HPRT1: variants seen among roughly 807,000 people sequenced by gnomAD.
HPRT1 encodes hypoxanthine-guanine phosphoribosyltransferase.
HPRT1 carries 4 observed loss-of-function variants against 19.0 expected under a neutral mutation model. That is an observed-to-expected ratio of 0.21 (90% CI 0.10 to 0.48). The LOEUF (loss-of-function observed/expected upper bound fraction) is 0.48, where lower values mean the gene tolerates loss of function less well. HPRT1 is among the 20% of genes least tolerant of loss of function. HPRT1 has a pLI of 0.98. For missense variants in HPRT1, 65 were observed against 164.0 expected, an observed-to-expected ratio of 0.40 and a Z score of 3.30; for synonymous variants, 53 against 54.9, an observed-to-expected ratio of 0.97 and a Z score of 0.15.
chrX:134,477,015 GTTTATTTTATTTTATTTTAT>G (rs200027842), intron 3 of HPRT1, among the ~76,000 whole-genome samples: 18 of 97,700 alleles, frequency 1.8e-4, no homozygotes, highest in African/African-American at 5.0e-4. Context: ...TTATTGATAT[GTTTATTTTATTTTATTTTAT>G]TTTATTTTAT....
intron 1 of HPRT1, among the ~76,000 whole-genome samples, chrX:134,468,637 C>T (rs1049847666): frequency 1.9e-4 from 21 of 109,362 alleles, no homozygotes; most frequent in African/African-American, 7.0e-4. Context: ...TGTCTGTAAT[C>T]CCAGCTACTC....
At position 134,493,585 on chromosome X, in the gene HPRT1, C is replaced by T. The variant is rs148780933; in HGVS notation, c.480C>T (p.Val160=). The T allele has an allele frequency of 3.2e-4, 371 of 1,173,026 alleles. No individual in the cohort carries two copies. In the African/African-American group the frequency reaches 5.8e-3, roughly 18 times the overall value. ...AGTATAATCCAAAGATGGTCAAGGT[C>T]GCAAGGTATGTATGACATTTTGACA... is the stretch of plus-strand genomic sequence containing the variant. The part of the protein sequence containing the change: ...VRQYNPKMVK[V]ASLLVKRTPR... The change falls in exon 6 of 9, where the codon GTC becomes GTT. Residue 160 remains valine (V), a synonymous_variant. Transcript: ENST00000298556.
chrX:134,463,134 G>A (rs1043321265), intron 1 of HPRT1, among the ~76,000 whole-genome samples: 25 of 111,647 alleles, frequency 2.2e-4, no homozygotes, highest in African/African-American at 7.5e-4. Context: ...TGACCTTGGA[G>A]GCACAGATAG....
intron 3 of HPRT1, among the ~76,000 whole-genome samples, chrX:134,480,045 A>G (rs1363988636): frequency 8.9e-6 from 1 of 111,746 alleles, no homozygotes; most frequent in Non-Finnish European, 1.9e-5. Flanking sequence ...GCAGAGGGAA[A>G]ATTAGTCTGC....
At chrX:134,469,734 AG>A (rs767295022) in intron 1 of HPRT1, among the ~76,000 whole-genome samples, 162 of 112,011 alleles carry the variant, frequency 1.4e-3, no homozygotes, top group Non-Finnish European at 1.5e-3. Context: ...GTAAGCTTCA[AG>A]GAAGAAGTCA....
intron 3 of HPRT1, among the ~76,000 whole-genome samples, chrX:134,480,805 TTGTGTGTG>T (rs111997872): frequency 1.4e-4 from 13 of 91,629 alleles, no homozygotes; most frequent in Non-Finnish European, 2.6e-4. Context: ...ATATGTGTAT[TTGTGTGTG>T]TGTGTGTGTG....
intron 1 of HPRT1, among the ~76,000 whole-genome samples, chrX:134,468,449 C>CA (rs1223972615): frequency 1.8e-5 from 2 of 108,151 alleles, no homozygotes; most frequent in African/African-American, 6.7e-5. Context: ...CCCGTCTTTA[C>CA]AAAAAAAATA....
chrX:134,485,713 G>A (rs757193581), intron 3 of HPRT1, among the ~76,000 whole-genome samples: 4 of 111,784 alleles, frequency 3.6e-5, no homozygotes, highest in Non-Finnish European at 5.6e-5. Flanking sequence ...TGGCTTTGTG[G>A]TATGGTATGG....
In HPRT1 at chrX:134,491,561, G is replaced by A. The variant is rs997231530; in HGVS notation, c.402+1356G>A. 4.6e-4 allele frequency among the ~76,000 whole-genome samples: 51 copies of A among 110,329 alleles called. 1 individual carries two copies. In the Admixed American group the frequency reaches 4.9e-3, roughly 11 times the overall value. On this transcript the variant is annotated intron_variant, in intron 5 of 8. Coordinates refer to ENST00000298556, the MANE Select transcript of HPRT1 (RefSeq NM_000194.3). ...GTTATCCATTCACTGGTTGACAGAC[G>A]TTAGGTTGTTTCCACTGTTTGCTCC...
chrX:134,486,317 A>G (rs1172692349), intron 3 of HPRT1, 148 bp from the exon 4 acceptor site: 4 of 266,934 alleles, frequency 1.5e-5, no homozygotes, highest in Admixed American at 6.3e-5. Flanking sequence ...ATCATTTAGA[A>G]TATCATAATG....
chrX:134,460,203 TCGG>T lies in HPRT1; in HGVS notation c.-107_-105del, dbSNP rs1406426290. On this transcript the variant is annotated 5_prime_UTR_variant, in exon 1 of 9. Transcript: ENST00000298556. The stretch of plus-strand genomic sequence containing the variant: ...TGCGACGAGCCCTCAGGCGAACCTC[TCGG>T]CTTTCCCGCGCGGCGCCGCCTCTTG... The T allele has an allele frequency of 1.2e-5, 11 of 889,712 alleles. No individual in the cohort carries two copies. The highest frequency in any genetic ancestry group is 1.7e-5 in the Non-Finnish European group (11 of 652,570). The allele number at this position is 889,712 out of a possible 1,213,427, so 73.3% of individuals were successfully genotyped here. A position where few individuals can be genotyped will look rare whatever the true frequency, so the allele number is the denominator to read the frequency against.
chrX:134,486,979 G>C (rs2077655584), intron 4 of HPRT1, among the ~76,000 whole-genome samples: 1 of 110,746 alleles, frequency 9.0e-6, no homozygotes, highest in Non-Finnish European at 1.9e-5. Flanking sequence ...CTCTGACCTT[G>C]GGCAAGTTAC....
Position 134,468,045 on chromosome X carries a change from C to T in HPRT1, c.28-5314C>T, listed in dbSNP as rs115401953. Among the ~76,000 whole-genome samples the T allele has an allele frequency of 1.5e-3, 161 of 108,289 alleles. 1 individual carries two copies. The highest frequency in any genetic ancestry group is 5.0e-3 in the African/African-American group (151 of 29,910). The allele number at this position is 108,289 out of a possible 115,157, so 94.0% of individuals were successfully genotyped here. A position where few individuals can be genotyped will look rare whatever the true frequency, so the allele number is the denominator to read the frequency against. ...CAGGCTGGTCTCGAACTCTTGACCT[C>T]GAGCGATCAACTTGCCTTGGCCTCC... On this transcript the variant is annotated intron_variant, in intron 1 of 8. Transcript: ENST00000298556.
chrX:134,496,866 A>G (rs905881091), intron 6 of HPRT1, among the ~76,000 whole-genome samples: 13 of 111,931 alleles, frequency 1.2e-4, no homozygotes, highest in African/African-American at 2.9e-4. Context: ...CTGATGTGCA[A>G]TCCAGGTTGA....
intron 4 of HPRT1, among the ~76,000 whole-genome samples, chrX:134,488,060 C>G (rs1189010594): frequency 9.0e-6 from 1 of 110,808 alleles, no homozygotes; most frequent in African/African-American, 3.3e-5. Context: ...ATGGAAAAAT[C>G]AATAAGTATA....
At chrX:134,485,747 G>A (rs763414909) in intron 3 of HPRT1, among the ~76,000 whole-genome samples, 22 of 111,787 alleles carry the variant, frequency 2.0e-4, no homozygotes, top group African/African-American at 7.2e-4. Context: ...AGGGCAAGTC[G>A]AAGCTCTTTT....
chrX:134,464,043 T>C (rs1014343704), intron 1 of HPRT1, among the ~76,000 whole-genome samples: 1 of 111,758 alleles, frequency 8.9e-6, no homozygotes, highest in Non-Finnish European at 1.9e-5. Flanking sequence ...ATGTCTATTC[T>C]TCCACTGTAC....
chrX:134,492,036 C>T (rs1246809801), intron 5 of HPRT1, among the ~76,000 whole-genome samples: 6 of 92,396 alleles, frequency 6.5e-5, no homozygotes, highest in East Asian at 6.3e-4. Context: ...TATATATATA[C>T]ACACACACAC....
chrX:134,460,239 T>A lies in HPRT1; in HGVS notation c.-73T>A. The stretch of plus-strand genomic sequence containing the variant: ...GCGCGGCGCCGCCTCTTGCTGCGCC[T>A]CCGCCTCCTCCTCTGCTCCGCCACC... On this transcript the variant is annotated 5_prime_UTR_variant, in exon 1 of 9. Coordinates refer to ENST00000298556, the MANE Select transcript of HPRT1 (RefSeq NM_000194.3). 2 of 1,063,168 alleles carry A rather than the reference T, an allele frequency of 1.9e-6. No homozygotes were observed. The highest frequency in any genetic ancestry group is 2.5e-6 in the Non-Finnish European group (2 of 806,082). The allele number at this position is 1,063,168 out of a possible 1,213,427, so 87.6% of individuals were successfully genotyped here. A position where few individuals can be genotyped will look rare whatever the true frequency, so the allele number is the denominator to read the frequency against.
Sources: allele counts gnomAD v4.1 joint callset (sites outside exome capture counted in the v4.1 genomes callset), GRCh38; gene constraint gnomAD v4.1.1; transcripts MANE v1.5; gene names NCBI Gene and HGNC (gene_info 2026-07-23, HGNC 2026-07-21).